The following PRKN variants were observed in gnomAD, a reference collection of about 807,000 sequenced individuals.
PRKN encodes parkin RBR E3 ubiquitin protein ligase.
PRKN carries 56 observed loss-of-function variants against 59.5 expected under a neutral mutation model. That is an observed-to-expected ratio of 0.94 (90% CI 0.76 to 1.18). The LOEUF (loss-of-function observed/expected upper bound fraction) is 1.18, where lower values mean the gene tolerates loss of function less well. Among genes scored for constraint, PRKN ranks in the 50% most tolerant of loss-of-function variants. The pLI is 0.00. For synonymous variants in PRKN, 250 were observed against 222.1 expected (o/e 1.13, Z -1.12); for missense variants, 657 against 596.4 (o/e 1.10, Z -1.06).
At chr6:162,468,986 T>A (rs997161034) in intron 1 of PRKN, among the ~76,000 whole-genome samples, 1 of 152,148 alleles carries the variant, frequency 6.6e-6, no homozygotes, top group South Asian at 2.1e-4. Context: ...AGTGCAGATA[T>A]GAGGTCCTAC....
At chr6:162,057,660 T>C (rs989925797) in intron 4 of PRKN, among the ~76,000 whole-genome samples, 3 of 152,236 alleles carry the variant, frequency 2.0e-5, no homozygotes, top group African/African-American at 7.2e-5. Flanking sequence ...CGTGAGGACC[T>C]TTCTTACTCC....
chr6:161,491,636 CT>C (rs35912732), intron 9 of PRKN, among the ~76,000 whole-genome samples: 36 of 148,438 alleles, frequency 2.4e-4, no homozygotes, highest in Non-Finnish European at 2.2e-4. Context: ...ACTTAACTTC[CT>C]TTTTTTTTTT....
intron 4 of PRKN, among the ~76,000 whole-genome samples, chr6:162,115,275 C>T (rs895772970): frequency 6.8e-6 from 1 of 146,374 alleles, no homozygotes; most frequent in African/African-American, 2.5e-5. Flanking sequence ...TATTCTTACT[C>T]ATAGGTGGGA....
At chr6:162,645,254 CA>C (rs900705064) in intron 1 of PRKN, among the ~76,000 whole-genome samples, 4 of 151,298 alleles carry the variant, frequency 2.6e-5, no homozygotes, top group Admixed American at 1.3e-4. Flanking sequence ...CATAAAATAT[CA>C]AAAAAAAGGA....
At chr6:161,675,382 G>A (rs1411796117) in intron 7 of PRKN, among the ~76,000 whole-genome samples, 1 of 151,554 alleles carries the variant, frequency 6.6e-6, no homozygotes, top group Non-Finnish European at 1.5e-5. Flanking sequence ...ACATAGAGAG[G>A]AGCGCTTGTA....
chr6:162,474,408 CTTT>C (rs1274427899), intron 1 of PRKN, among the ~76,000 whole-genome samples: 1 of 152,038 alleles, frequency 6.6e-6, no homozygotes, highest in South Asian at 2.1e-4. Context: ...CACTATACTT[CTTT>C]GTTAGGTTAC....
chr6:161,968,330 T>G (rs1258729419), intron 6 of PRKN, among the ~76,000 whole-genome samples: 2 of 151,826 alleles, frequency 1.3e-5, no homozygotes. Context: ...TGACTCACCA[T>G]GCCCAGCCTC....
At chr6:161,693,889 G>C (rs1042247930) in intron 7 of PRKN, among the ~76,000 whole-genome samples, 1 of 152,172 alleles carries the variant, frequency 6.6e-6, no homozygotes, top group African/African-American at 2.4e-5. Context: ...TCCTGCAAGG[G>C]AAAATATTTA....
At chr6:162,134,492 CAGG>C (rs1421901459) in intron 4 of PRKN, among the ~76,000 whole-genome samples, 1 of 152,062 alleles carries the variant, frequency 6.6e-6, no homozygotes. Context: ...GGGAGGTGGC[CAGG>C]AGAAGTTTCA....
At chr6:161,433,417 G>A (rs1005306215) in intron 9 of PRKN, among the ~76,000 whole-genome samples, 2 of 152,072 alleles carry the variant, frequency 1.3e-5, no homozygotes, top group African/African-American at 2.4e-5. Flanking sequence ...AATAACTCAA[G>A]TAGGAAAAAA....
chr6:162,525,666 G>A (rs1778250648), intron 1 of PRKN, among the ~76,000 whole-genome samples: 1 of 151,960 alleles, frequency 6.6e-6, no homozygotes, highest in South Asian at 2.1e-4. Flanking sequence ...CAGAGATTTT[G>A]GCCAATTTTG....
chr6:161,992,602 G>C (rs1056971402), intron 5 of PRKN, among the ~76,000 whole-genome samples: 1 of 152,082 alleles, frequency 6.6e-6, no homozygotes, highest in African/African-American at 2.4e-5. Context: ...TGACCAAATG[G>C]AATTAACAGA....
intron 6 of PRKN, among the ~76,000 whole-genome samples, chr6:161,898,522 G>A (rs1004663601): frequency 6.6e-6 from 1 of 152,162 alleles, no homozygotes; most frequent in African/African-American, 2.4e-5. Flanking sequence ...TACAATTTGT[G>A]CTCCTCACAG....
chr6:162,144,882 C>T (rs147599364), intron 4 of PRKN, among the ~76,000 whole-genome samples: 26 of 152,110 alleles, frequency 1.7e-4, no homozygotes, highest in African/African-American at 4.8e-4. Flanking sequence ...TGGAGTGAAA[C>T]GACGAGGATG....
rs1554243441 is a variant in PRKN, at chr6:162,556,366, T to TGTGTGCGCGC, written c.8-112894_8-112893insGCGCGCACAC. On this transcript the variant is annotated intron_variant, in intron 1 of 11. Coordinates refer to ENST00000366898, the MANE Select transcript of PRKN (RefSeq NM_004562.3). ...TGGTGTGTGTGTGTGTGTGTGTGTG[T>TGTGTGCGCGC]GTGTGTGTGTGTGTGTGTGTGTGTG... 7.4e-4 allele frequency among the ~76,000 whole-genome samples: 73 copies of TGTGTGCGCGC among 98,362 alleles called. 1 individual carries two copies. The highest frequency in any genetic ancestry group is 3.3e-3 in the South Asian group (8 of 2,444). 64.5% of individuals were successfully genotyped at this position (98,362 alleles called of 152,430 possible).
At chr6:162,277,012 T>A (rs1268365008) in intron 2 of PRKN, among the ~76,000 whole-genome samples, 1 of 152,134 alleles carries the variant, frequency 6.6e-6, no homozygotes, top group African/African-American at 2.4e-5. Flanking sequence ...TATATGATAA[T>A]ATTAAAAAGT....
intron 5 of PRKN, among the ~76,000 whole-genome samples, chr6:162,048,521 G>A (rs534468083): frequency 1.3e-5 from 2 of 152,112 alleles, no homozygotes; most frequent in East Asian, 3.9e-4. Flanking sequence ...CAGGCACTAG[G>A]ACTTCAGGGT....
intron 2 of PRKN, among the ~76,000 whole-genome samples, chr6:162,317,319 G>A (rs1338778832): frequency 6.6e-6 from 1 of 151,968 alleles, no homozygotes; most frequent in Non-Finnish European, 1.5e-5. Flanking sequence ...AGATACGACT[G>A]TTTTATAAAT....
chr6:162,075,179 T>TG (rs1778767323), intron 4 of PRKN, among the ~76,000 whole-genome samples: 2 of 152,210 alleles, frequency 1.3e-5, no homozygotes, highest in Non-Finnish European at 2.9e-5. Context: ...ATGGTAGCAC[T>TG]CATTTCAATT....
Sources: allele counts gnomAD v4.1 joint callset (sites outside exome capture counted in the v4.1 genomes callset), GRCh38; gene constraint gnomAD v4.1.1; transcripts MANE v1.5; gene names NCBI Gene and HGNC (gene_info 2026-07-23, HGNC 2026-07-21).